GCSAML: variants seen among roughly 807,000 people sequenced by gnomAD.
GCSAML encodes germinal center-associated signaling and motility-like protein.
GCSAML carries 9 observed loss-of-function variants against 13.0 expected under a neutral mutation model. The observed-to-expected ratio is 0.69, with a 90% confidence interval of 0.42 to 1.21. The LOEUF (loss-of-function observed/expected upper bound fraction) is 1.21. Among genes scored for constraint, GCSAML ranks in the 50% most tolerant of loss-of-function variants. The pLI, the probability that GCSAML is intolerant of heterozygous loss-of-function variation, is 0.00. For missense variants in GCSAML, 143 were observed against 153.4 expected, an observed-to-expected ratio of 0.93 and a Z score of 0.36; for synonymous variants, 37 against 52.9, an observed-to-expected ratio of 0.70 and a Z score of 1.31.
At chr1:247,510,404 T>C (rs535840118) in intron 1 of GCSAML, among the ~76,000 whole-genome samples, 1 of 152,266 alleles carries the variant, frequency 6.6e-6, no homozygotes, top group South Asian at 2.1e-4. Context: ...CTTTCCTTCT[T>C]TATTAGTCTG....
rs999606601 is a variant in GCSAML at position 247,517,688 on chromosome 1, A to G, written c.-262-9252A>G. ...TTTTAGCTTTCTTCTCTTCACAAATATCTTTACTTAACGTCTTGCCCTTCA... is the reference window on the plus strand; with the variant it reads ...TTTTAGCTTTCTTCTCTTCACAAATGTCTTTACTTAACGTCTTGCCCTTCA... On this transcript the variant is annotated intron_variant, in intron 1 of 5. Coordinates refer to the GCSAML transcript ENST00000366489. Among the ~76,000 whole-genome samples, 8 of 152,160 alleles carry G rather than the reference A, an allele frequency of 5.3e-5. No individual in the cohort carries two copies. The South Asian group carries it at 8.3e-4, about 16-fold the overall frequency.
chr1:247,515,522 G>A (rs1273376733), intron 1 of GCSAML, among the ~76,000 whole-genome samples: 1 of 152,132 alleles, frequency 6.6e-6, no homozygotes. Context: ...TTCTGTTCTC[G>A]CACTGCTAGA....
intron 1 of GCSAML, among the ~76,000 whole-genome samples, chr1:247,550,580 T>G (rs1054706234): frequency 1.3e-5 from 2 of 151,956 alleles, no homozygotes; most frequent in African/African-American, 4.8e-5. Context: ...GAGCTTGCAG[T>G]GAGCCGAGAT....
At chr1:247,566,198 A>G (rs1668352382) in intron 4 of GCSAML, among the ~76,000 whole-genome samples, 1 of 152,162 alleles carries the variant, frequency 6.6e-6, no homozygotes, top group African/African-American at 2.4e-5. Flanking sequence ...GATGAGTAGC[A>G]AGTTCTTACC....
chr1:247,533,656 C>T (rs1046595209), intron 2 of GCSAML: 1 of 152,158 alleles, frequency 6.6e-6, no homozygotes, highest in Non-Finnish European at 1.5e-5. Flanking sequence ...TAGATCATGC[C>T]CTTCATGTTC....
upstream of GCSAML, among the ~76,000 whole-genome samples, chr1:247,544,457 G>C (rs1049569377): frequency 6.6e-6 from 1 of 152,174 alleles, no homozygotes; most frequent in Non-Finnish European, 1.5e-5. Flanking sequence ...GTGTCATAAA[G>C]AGAAACCTTC....
intron 1 of GCSAML, chr1:247,524,838 G>A (rs1055037789): frequency 3.3e-5 from 5 of 151,948 alleles, no homozygotes; most frequent in African/African-American, 7.3e-5. Flanking sequence ...GTCAACTACC[G>A]CTACAAATCA....
upstream of GCSAML, chr1:247,507,081 G>C (rs1301452686): frequency 6.6e-6 from 1 of 152,160 alleles, no homozygotes; most frequent in Admixed American, 6.6e-5. Context: ...CCCTCTGTTT[G>C]TAACAATCCC....
Position 247,566,985 on chromosome 1 carries a change from G to A in GCSAML, c.168+1026G>A, listed in dbSNP as rs140786830. On this transcript the variant is annotated intron_variant, in intron 4 of 4. Transcript: ENST00000366488. ...AGTGCTTTTCCCTGGATAGTTAGAGGCATAATAGCATCCTTCTTTTCTCTT... is the reference window on the plus strand; with the variant it reads ...AGTGCTTTTCCCTGGATAGTTAGAGACATAATAGCATCCTTCTTTTCTCTT... Among the ~76,000 whole-genome samples the A allele has an allele frequency of 2.6e-3, 389 of 151,856 alleles. 2 individuals carry two copies. Among genetic ancestry groups the A allele is most frequent in the Admixed American group, 6.6e-3 (100 of 15,242 alleles).
intron 1 of GCSAML, among the ~76,000 whole-genome samples, chr1:247,551,446 G>A (rs1176503200): frequency 2.0e-5 from 3 of 152,214 alleles, no homozygotes; most frequent in East Asian, 1.9e-4. Context: ...TCAAAGGCAC[G>A]TAGAAAGTGG....
At chr1:247,532,327 A>G in intron 2 of GCSAML, 5 of 1,614,138 alleles carry the variant, frequency 3.1e-6, no homozygotes, top group Non-Finnish European at 4.2e-6. Context: ...GGCAAGAAAG[A>G]AGTACATAGG....
intron 3 of GCSAML, among the ~76,000 whole-genome samples, chr1:247,565,382 A>G (rs1176064): frequency 0.59 from 89,127 of 151,556 alleles, 26,843 homozygotes; most frequent in East Asian, 0.8. Flanking sequence ...ATTGGTAGTC[A>G]ATTTCAGATT....
intron 3 of GCSAML, among the ~76,000 whole-genome samples, chr1:247,564,659 C>T (rs1240004726): frequency 6.6e-6 from 1 of 152,138 alleles, no homozygotes; most frequent in African/African-American, 2.4e-5. Context: ...CATCACTATA[C>T]ATAGCTACCA....
intron 1 of GCSAML, among the ~76,000 whole-genome samples, chr1:247,508,742 T>A (rs1665914589): frequency 6.6e-6 from 1 of 152,204 alleles, no homozygotes; most frequent in African/African-American, 2.4e-5. Context: ...TAGCCAGTTT[T>A]CCCAGCACCA....
chr1:247,558,217 G>A (rs539982582), intron 2 of GCSAML, among the ~76,000 whole-genome samples: 1 of 152,258 alleles, frequency 6.6e-6, no homozygotes, highest in East Asian at 1.9e-4. Context: ...GTTGCATGTG[G>A]GCTAAGAAGT....
intron 2 of GCSAML, chr1:247,536,588 C>CAAT (rs1335227754): frequency 2.0e-5 from 3 of 152,168 alleles, no homozygotes; most frequent in African/African-American, 7.2e-5. Context: ...CCCCTGGAGC[C>CAAT]TTCAGGAGGG....
At position 247,556,480 on chromosome 1, in the gene GCSAML, A is replaced by G. The variant is rs377315659; in HGVS notation, c.89+14A>G. The stretch of plus-strand genomic sequence containing the variant: ...GGAAAGAAAACGGTAAGAACAGAGC[A>G]TCTCAGAGTTTTTTTGTTTTGTTTT... On this transcript the variant is annotated intron_variant, in intron 2 of 4. Coordinates refer to ENST00000366488, the MANE Select transcript of GCSAML (RefSeq NM_145278.5). 11 of 1,589,518 alleles carry G rather than the reference A, an allele frequency of 6.9e-6. No homozygotes were observed. Among genetic ancestry groups the G allele is most frequent in the Admixed American group, 5.2e-5 (3 of 57,926 alleles).
chr1:247,566,486 A>G (rs1668372738), intron 4 of GCSAML, among the ~76,000 whole-genome samples: 1 of 152,174 alleles, frequency 6.6e-6, no homozygotes, highest in African/African-American at 2.4e-5. Context: ...AAGTGAATCC[A>G]CTGGCCTCAG....
In GCSAML at chr1:247,556,401, A is replaced by G. The variant is rs1658653034; in HGVS notation, c.30-6A>G. The G allele has an allele frequency of 6.2e-7, 1 of 1,604,738 alleles. No homozygotes were observed. The highest frequency in any genetic ancestry group is 1.1e-5 in the South Asian group (1 of 90,684). ...TCTCTCTTTTTTCTTATGTGTTTCC[A>G]TATAGTTGCCTGGGAGAGAATCAAA... On this transcript the variant is annotated splice_polypyrimidine_tract_variant and splice_region_variant and intron_variant, in intron 1 of 4. Transcript: ENST00000366488.
Sources: allele counts gnomAD v4.1 joint callset (sites outside exome capture counted in the v4.1 genomes callset), GRCh38; gene constraint gnomAD v4.1.1; transcripts MANE v1.5; gene names NCBI Gene and HGNC (gene_info 2026-07-23, HGNC 2026-07-21).